MAP3K10: variants seen among roughly 807,000 people sequenced by gnomAD.
The protein encoded by MAP3K10 is MKN28 derived nonreceptor_type serine/threonine kinase.
A neutral mutation model predicts 75.0 loss-of-function variants in MAP3K10; 22 were observed. The observed-to-expected ratio is 0.29, with a 90% CI of 0.21 to 0.42. The LOEUF is 0.42. Ranked by LOEUF, MAP3K10 falls within the 10% of genes least tolerant of loss-of-function variation. The pLI is 1.00. For synonymous variants in MAP3K10, 599 were observed against 612.9 expected (o/e 0.98, Z 0.34); for missense variants, 1,165 against 1,379.8 (o/e 0.84, Z 2.47).
Position 40,192,721 on chromosome 19 carries a change from G to C in MAP3K10, c.682+8G>C. The C allele has an allele frequency of 6.6e-7, 1 of 1,526,394 alleles. No individual in the cohort carries two copies. The highest frequency in any genetic ancestry group is 1.8e-4 in the Middle Eastern group (1 of 5,646). 94.6% of individuals were successfully genotyped at this position (1,526,394 alleles called of 1,614,324 possible). ...ACCTCAAGTCCATCAACAGTAAGTGGTGTCCTCTCCCCAAAATTCCTTCCA... is the reference window on the plus strand; with the variant it reads ...ACCTCAAGTCCATCAACAGTAAGTGCTGTCCTCTCCCCAAAATTCCTTCCA... On this transcript the variant is annotated splice_region_variant and intron_variant, in intron 1 of 9. Transcript: ENST00000253055. The surrounding 1 kb of genome is among the most constrained non-coding windows in gnomAD (Gnocchi z 7.1).
chr19:40,206,607 C>T (rs992685885), intron 5 of MAP3K10, among the ~76,000 whole-genome samples: 9 of 151,800 alleles, frequency 5.9e-5, no homozygotes, highest in Non-Finnish European at 1.3e-4. Flanking sequence ...AAGAAAATGA[C>T]CAAAAACCTG....
In MAP3K10 at chr19:40,192,269, G is replaced by C. The variant is rs1305207300; in HGVS notation, c.238G>C (p.Ala80Pro). The C allele has an allele frequency of 1.9e-6, 3 of 1,601,342 alleles. No individual in the cohort carries two copies. The highest frequency in any genetic ancestry group is 1.7e-5 in the Admixed American group (1 of 58,594). ...VFPSNYVAPG[A>P]PAAPAGLQLP... ...CCCCAGCAACTACGTGGCCCCCGGC[G>C]CCCCCGCTGCACCCGCGGGCCTCCA... The change falls in exon 1 of 10, where the codon GCC becomes CCC. Residue 80 changes from alanine (A) to proline (P), a missense_variant. Around this residue, in one of 2 missense-constraint regions of MAP3K10, gnomAD observed 575 missense variants for 793.2 expected, o/e 0.72. Transcript: ENST00000253055. This position sits in a 1 kb window ranked among gnomAD's most constrained non-coding sequence, Gnocchi z 7.1.
chr19:40,196,427 T>C (rs1383856069), intron 1 of MAP3K10, among the ~76,000 whole-genome samples: 1 of 152,124 alleles, frequency 6.6e-6, no homozygotes, highest in Admixed American at 6.5e-5. Flanking sequence ...GGCTGGAGGA[T>C]TGTTTAAGCC....
At chr19:40,195,508 T>TTTTTTTG in intron 1 of MAP3K10, among the ~76,000 whole-genome samples, 1 of 124,502 alleles carries the variant, frequency 8.0e-6, no homozygotes, top group Non-Finnish European at 1.6e-5. Context: ...TTTTTTTTTT[T>TTTTTTTG]GAGACAGAGT....
rs1312579069 is a variant in MAP3K10, at chr19:40,205,108, C to T, written c.1013-13C>T. 2 of 1,612,142 alleles carry T rather than the reference C, an allele frequency of 1.2e-6. No individual in the cohort carries two copies. The highest frequency in any genetic ancestry group is 2.1e-4 in the Middle Eastern group (1 of 4,734). ...TCCATGCCCCACCACTGTCCTTCCT[C>T]CTCCCACCCCAGAATGCTGGGACCC... On this transcript the variant is annotated splice_polypyrimidine_tract_variant and intron_variant, in intron 3 of 9. Coordinates refer to ENST00000253055, the MANE Select transcript of MAP3K10 (RefSeq NM_002446.4). The surrounding 1 kb of genome is among the most constrained non-coding windows in gnomAD (Gnocchi z 4.3).
intron 5 of MAP3K10, among the ~76,000 whole-genome samples, chr19:40,207,152 C>T (rs140713683): frequency 5.9e-5 from 9 of 152,138 alleles, no homozygotes; most frequent in African/African-American, 1.9e-4. Context: ...CATTTTTTTA[C>T]CTACAAAAAC....
In MAP3K10 at chr19:40,206,074, G is replaced by A. The variant is rs759588424; in HGVS notation, c.1352G>A (p.Arg451Gln). The A allele has an allele frequency of 3.1e-6, 5 of 1,613,382 alleles. No individual in the cohort carries two copies. Among genetic ancestry groups the A allele is most frequent in the East Asian group, 2.2e-5 (1 of 44,866 alleles). ...TGCCAGCTGAGCCAGGAGAAGCCCCGGGTCCGCAAGCGCAAGGGCAACTTC... is the reference window on the plus strand; with the variant it reads ...TGCCAGCTGAGCCAGGAGAAGCCCCAGGTCCGCAAGCGCAAGGGCAACTTC... ...LMCQLSQEKP[R>Q]VRKRKGNFKR... Residue 451 changes from arginine to glutamine, a missense_variant, in exon 5 of 10, where the codon CGG becomes CAG. Transcript: ENST00000253055.
rs754575496 is a variant in MAP3K10 at position 40,213,836 on chromosome 19, G to C, written c.2157G>C (p.Arg719=). Residue 719 remains arginine, a synonymous_variant, in exon 9 of 10, where the codon CGG becomes CGC. Transcript: ENST00000253055. The surrounding 1 kb of genome is among the most constrained non-coding windows in gnomAD (Gnocchi z 5.7). ...LFFPRAGRFP[R]GLSPPARPHG... is the part of the protein sequence containing the mutation. The stretch of plus-strand genomic sequence containing the variant: ...TTCCCCGCGCCGGCCGCTTCCCGCG[G>C]GGCCTCAGCCCACCCGCGCGTCCCC... 7.5e-7 allele frequency: 1 copy of C among 1,339,356 alleles called. No homozygotes were observed. Among genetic ancestry groups the C allele is most frequent in the South Asian group, 1.6e-5 (1 of 61,004 alleles). The allele number at this position is 1,339,356 out of a possible 1,614,324, so 83.0% of individuals were successfully genotyped here.
Position 40,213,801 on chromosome 19 carries a change from G to A in MAP3K10, c.2122G>A (p.Gly708Ser), listed in dbSNP as rs1457280325. 7 of 1,279,698 alleles carry A rather than the reference G, an allele frequency of 5.5e-6. No homozygotes were observed. The highest frequency in any genetic ancestry group is 1.8e-5 in the South Asian group (1 of 55,540). The allele number at this position is 1,279,698 out of a possible 1,614,324, so 79.3% of individuals were successfully genotyped here. A position where few individuals can be genotyped will look rare whatever the true frequency, so the allele number is the denominator to read the frequency against. The change falls in exon 9 of 10, where the codon GGC (glycine) becomes AGC (serine). Residue 708 changes from glycine to serine, a missense_variant. Around this residue, in one of 2 missense-constraint regions of MAP3K10, gnomAD observed 590 missense variants for 586.6 expected, o/e 1.01. Coordinates refer to ENST00000253055, the MANE Select transcript of MAP3K10 (RefSeq NM_002446.4). The surrounding 1 kb of genome is among the most constrained non-coding windows in gnomAD (Gnocchi z 5.7). The stretch of plus-strand genomic sequence containing the variant: ...TGAGGAGCAGCGGCGCTGGCTCGAC[G>A]GCCTCTTCTTTCCCCGCGCCGGCCG... ...DGEEQRRWLD[G>S]LFFPRAGRFP...
At position 40,213,631 on chromosome 19, in the gene MAP3K10, C is replaced by A. The variant is rs748016295; in HGVS notation, c.1952C>A (p.Pro651Gln). ...PAEPSPGARA[P>Q]WEPTPSAPPA... ...GAGCCCTCCCCGGGGGCGCGGGCGCCGTGGGAGCCGACGCCGTCCGCGCCC... is the reference window on the plus strand; with the variant it reads ...GAGCCCTCCCCGGGGGCGCGGGCGCAGTGGGAGCCGACGCCGTCCGCGCCC... Residue 651 changes from proline (P) to glutamine (Q), a missense_variant, in exon 9 of 10, where the codon CCG becomes CAG. Around this residue, in one of 2 missense-constraint regions of MAP3K10, gnomAD observed 590 missense variants for 586.6 expected, o/e 1.01. Transcript: ENST00000253055. This position sits in a 1 kb window ranked among gnomAD's most constrained non-coding sequence, Gnocchi z 5.7. 2.0e-6 allele frequency: 3 copies of A among 1,496,780 alleles called. No homozygotes were observed. The African/African-American group carries it at 4.4e-5, about 22-fold the overall frequency. 92.7% of individuals were successfully genotyped at this position (1,496,780 alleles called of 1,614,324 possible). A position where few individuals can be genotyped will look rare whatever the true frequency, so the allele number is the denominator to read the frequency against.
Position 40,213,124 on chromosome 19 carries a change from C to T in MAP3K10, c.1773C>T (p.Pro591=). 1 of 1,604,024 alleles carries T rather than the reference C, an allele frequency of 6.2e-7. No individual in the cohort carries two copies. Among genetic ancestry groups the T allele is most frequent in the Non-Finnish European group, 8.5e-7 (1 of 1,176,150 alleles). ...EGSKQWSSSA[P]NLGKSPKHTP... ...GCAAACAGTGGTCATCAAGTGCCCC[C>T]AACCTGGGCAAGTCCCCCAAACACA... The change falls in exon 8 of 10, where the codon CCC becomes CCT. Residue 591 remains proline (P), a synonymous_variant. Coordinates refer to ENST00000253055, the MANE Select transcript of MAP3K10 (RefSeq NM_002446.4). The surrounding 1 kb of genome is among the most constrained non-coding windows in gnomAD (Gnocchi z 5.7).
In MAP3K10 at chr19:40,214,010, A is replaced by ACCCACCCCCCCC; in HGVS notation, c.2334_2335insACCCCCCCCCCC (p.Pro778_Ser779insThrProProPro). The ACCCACCCCCCCC allele has an allele frequency of 1.4e-6, 1 of 726,370 alleles. No homozygotes were observed. Among genetic ancestry groups the ACCCACCCCCCCC allele is most frequent in the Non-Finnish European group, 1.9e-6 (1 of 538,528 alleles). 45.0% of individuals were successfully genotyped at this position (726,370 alleles called of 1,614,324 possible). Reference sequence around the variant, plus strand: ...CCGCACCGGCCGCGCCCTCCCCACCACCCTCCCCGCCCGCGCCCACACCCA... The same window carrying ACCCACCCCCCCC: ...CCGCACCGGCCGCGCCCTCCCCACCACCCACCCCCCCCCCCTCCCCGCCCGCGCCCACACCCA... On this transcript the variant is annotated inframe_insertion, in exon 9 of 10. Transcript: ENST00000253055.
chr19:40,202,434 G>A (rs2145080993), intron 2 of MAP3K10, among the ~76,000 whole-genome samples: 1 of 152,310 alleles, frequency 6.6e-6, no homozygotes, highest in South Asian at 2.1e-4. Flanking sequence ...TCGCAGGACA[G>A]GGATAAGTTG....
chr19:40,209,672 C>T (rs901178286), intron 6 of MAP3K10, among the ~76,000 whole-genome samples: 3 of 152,096 alleles, frequency 2.0e-5, no homozygotes, highest in Admixed American at 6.6e-5. Flanking sequence ...ACCTCAGCCT[C>T]ACAAAGTGCT....
At chr19:40,208,774 G>A (rs907427384) in intron 5 of MAP3K10, among the ~76,000 whole-genome samples, 7 of 152,020 alleles carry the variant, frequency 4.6e-5, no homozygotes, top group East Asian at 2.0e-4. Context: ...GCTGCTACAC[G>A]TAGCTACTGG....
chr19:40,208,363 T>TTTTTTTTTTTTTTTTTTTTTTTA (rs1555756664), intron 5 of MAP3K10, among the ~76,000 whole-genome samples: 13 of 111,886 alleles, frequency 1.2e-4, no homozygotes, highest in African/African-American at 2.2e-4. Flanking sequence ...TTTTTTTTTT[T>TTTTTTTTTTTTTTTTTTTTTTTA]TTTTTTGTAT....
chr19:40,205,459 T>A lies in MAP3K10; in HGVS notation c.1188+163T>A. 2.8e-6 allele frequency: 2 copies of A among 719,620 alleles called. No homozygotes were observed. Among genetic ancestry groups the A allele is most frequent in the Non-Finnish European group, 4.5e-6 (2 of 443,030 alleles). The allele number at this position is 719,620 out of a possible 1,614,324, so 44.6% of individuals were successfully genotyped here. On this transcript the variant is annotated intron_variant, in intron 4 of 9. Transcript: ENST00000253055. The surrounding 1 kb of genome is among the most constrained non-coding windows in gnomAD (Gnocchi z 4.3). ...AAAAGACAGCCTCCTGTTGGTGGAT[T>A]AATAAGAAAAAGGCACCCTGTACTG...
Position 40,191,781 on chromosome 19 carries a change from G to A in MAP3K10, c.-251G>A, listed in dbSNP as rs887066770. The A allele has an allele frequency of 2.6e-6, 1 of 382,678 alleles. No individual in the cohort carries two copies. The highest frequency in any genetic ancestry group is 4.6e-6 in the Non-Finnish European group (1 of 215,774). 23.7% of individuals were successfully genotyped at this position (382,678 alleles called of 1,614,324 possible). Reference sequence around the variant, plus strand: ...CCCTCTTAGCCCTCTGCCGTTTGGGGGGCACGGGTGAACCTGCCGCCCCAC... The same window carrying A: ...CCCTCTTAGCCCTCTGCCGTTTGGGAGGCACGGGTGAACCTGCCGCCCCAC... On this transcript the variant is annotated 5_prime_UTR_variant, in exon 1 of 10. Coordinates refer to ENST00000253055, the MANE Select transcript of MAP3K10 (RefSeq NM_002446.4).
chr19:40,214,741 A>G (rs1973318579), intron 9 of MAP3K10, among the ~76,000 whole-genome samples: 1 of 151,980 alleles, frequency 6.6e-6, no homozygotes, highest in Non-Finnish European at 1.5e-5. Flanking sequence ...GCAGTTCCAG[A>G]AGGTTGAGGA....
Sources: allele counts gnomAD v4.1 joint callset (sites outside exome capture counted in the v4.1 genomes callset), GRCh38; gene constraint gnomAD v4.1.1; regional missense constraint gnomAD v4.1.1; non-coding constraint Gnocchi (gnomAD v3.1); transcripts MANE v1.5; gene names NCBI Gene and HGNC (gene_info 2026-07-23, HGNC 2026-07-21).